The following POU2F2 variants were observed in gnomAD, a reference collection of about 807,000 sequenced individuals.
The protein encoded by POU2F2 is POU class 2 homeobox 2.
In POU2F2, 14 loss-of-function variants were observed where a neutral mutation model predicts 63.5. That is an observed-to-expected ratio of 0.22 (90% CI 0.15 to 0.34). The LOEUF (loss-of-function observed/expected upper bound fraction) is 0.34, where lower values mean the gene tolerates loss of function less well. POU2F2 is among the 10% of genes least tolerant of loss of function. POU2F2 has a pLI of 1.00. For missense variants in POU2F2, 607 were observed against 815.2 expected, an observed-to-expected ratio of 0.74 and a Z score of 3.11; for synonymous variants, 306 against 348.6, an observed-to-expected ratio of 0.88 and a Z score of 1.36.
chr19:42,096,256 G>A lies in POU2F2; in HGVS notation c.568-13C>T, dbSNP rs774224325. On this transcript the variant is annotated splice_polypyrimidine_tract_variant and intron_variant, in intron 7 of 14. Coordinates refer to ENST00000692977, the MANE Select transcript of POU2F2 (RefSeq NM_001394376.1). This position sits in a 1 kb window ranked among gnomAD's most constrained non-coding sequence, Gnocchi z 4.1. ...GGCGGGTCACGGCCTGGTGGGGTGG[G>A]CAGGTGGGTGGGATGCAGGGCGGAG... The A allele has an allele frequency of 7.8e-6, 11 of 1,416,038 alleles. No individual in the cohort carries two copies. The highest frequency in any genetic ancestry group is 9.7e-6 in the Non-Finnish European group (10 of 1,029,512). 87.7% of individuals were successfully genotyped at this position (1,416,038 alleles called of 1,614,324 possible). A position where few individuals can be genotyped will look rare whatever the true frequency, so the allele number is the denominator to read the frequency against.
intron 2 of POU2F2, among the ~76,000 whole-genome samples, chr19:42,143,443 C>G (rs1289982773): frequency 6.6e-6 from 1 of 152,228 alleles, no homozygotes; most frequent in East Asian, 1.9e-4. Context: ...ATTGCAATAT[C>G]ATCTGTTTCC....
chr19:42,109,365 T>C (rs1216658888), intron 5 of POU2F2, among the ~76,000 whole-genome samples: 1 of 152,204 alleles, frequency 6.6e-6, no homozygotes, highest in Non-Finnish European at 1.5e-5. Context: ...ATCCCTGATA[T>C]GGCAAATTGT....
At chr19:42,139,818 T>C (rs2034092205) in intron 2 of POU2F2, among the ~76,000 whole-genome samples, 1 of 152,062 alleles carries the variant, frequency 6.6e-6, no homozygotes, top group Admixed American at 6.5e-5. Context: ...CATTGACAAA[T>C]AGGGAGGTAA....
intron 2 of POU2F2, among the ~76,000 whole-genome samples, chr19:42,149,952 G>A (rs1258337967): frequency 6.6e-6 from 1 of 152,186 alleles, no homozygotes; most frequent in African/African-American, 2.4e-5. Context: ...AGTTCAGTGT[G>A]GAAGGGGCAG....
At chr19:42,126,536 A>C (rs1011095368) in intron 1 of POU2F2, among the ~76,000 whole-genome samples, 1 of 152,150 alleles carries the variant, frequency 6.6e-6, no homozygotes, top group African/African-American at 2.4e-5. Context: ...CCAGTGGACC[A>C]CAAGCCAAGG....
At chr19:42,197,259 T>C (rs2035160976), upstream of POU2F2, among the ~76,000 whole-genome samples, 1 of 152,178 alleles carries the variant, frequency 6.6e-6, no homozygotes, top group Admixed American at 6.5e-5. Flanking sequence ...CTGCCCTCTC[T>C]CAGTCCATTT....
chr19:42,197,782 C>T (rs1200142178), upstream of POU2F2, among the ~76,000 whole-genome samples: 1 of 152,150 alleles, frequency 6.6e-6, no homozygotes, highest in Non-Finnish European at 1.5e-5. Flanking sequence ...GAGACAAATT[C>T]CAGGCAGAGA....
At position 42,164,049 on chromosome 19, in the gene POU2F2, C is replaced by A. The variant is rs148530677; in HGVS notation, c.-69-3657G>T. Among the ~76,000 whole-genome samples, 3 of 152,232 alleles carry A rather than the reference C, an allele frequency of 2.0e-5. No individual in the cohort carries two copies. In the East Asian group the frequency reaches 5.8e-4, roughly 29 times the overall value. Reference sequence around the variant, plus strand: ...AATACACATCCAGATGGTTCCCCCACCAAAAATAAATAAATTTGGAACAGA... The same window carrying A: ...AATACACATCCAGATGGTTCCCCCAACAAAAATAAATAAATTTGGAACAGA... On this transcript the variant is annotated intron_variant, in intron 1 of 6. Coordinates refer to the POU2F2 transcript ENST00000524801.
At chr19:42,172,288 G>C (rs2034785381) in intron 1 of POU2F2, among the ~76,000 whole-genome samples, 1 of 152,190 alleles carries the variant, frequency 6.6e-6, no homozygotes, top group Non-Finnish European at 1.5e-5. Context: ...GTCTAAGGCT[G>C]GGATTGGTTC....
intron 5 of POU2F2, among the ~76,000 whole-genome samples, chr19:42,110,322 G>A (rs181721873): frequency 4.5e-4 from 68 of 152,274 alleles, no homozygotes; most frequent in Non-Finnish European, 8.8e-5. Flanking sequence ...AAATTAAAAT[G>A]AGGTCAGGCT....
At chr19:42,093,747 C>A (rs1232850841) in intron 12 of POU2F2, 82 bp downstream of exon 12, 1 of 1,445,652 alleles carries the variant, frequency 6.9e-7, no homozygotes, top group South Asian at 1.3e-5. Flanking sequence ...CCCATGGACA[C>A]CCAGAGCCAC....
intron 1 of POU2F2, among the ~76,000 whole-genome samples, chr19:42,194,758 CAAAAAAAAAAAAAAAAAA>C (rs71167389): frequency 4.6e-5 from 1 of 21,740 alleles, no homozygotes; most frequent in African/African-American, 2.2e-4. Context: ...GACTCTGTCT[CAAAAAAAAAAAAAAAAAA>C]AAAAAAAAAA....
intron 5 of POU2F2, among the ~76,000 whole-genome samples, chr19:42,107,610 T>C (rs1168002958): frequency 6.6e-6 from 1 of 152,236 alleles, no homozygotes; most frequent in East Asian, 1.9e-4. Context: ...ATACTACTGT[T>C]GTCTGTTGTC....
chr19:42,173,437 C>A (rs1013782094), intron 1 of POU2F2, among the ~76,000 whole-genome samples: 4 of 152,146 alleles, frequency 2.6e-5, no homozygotes, highest in Admixed American at 1.3e-4. Context: ...AAGGTTGGGG[C>A]CCTTGCTTTG....
chr19:42,120,214 TCTC>T (rs1015888662), intron 4 of POU2F2, among the ~76,000 whole-genome samples: 4 of 149,746 alleles, frequency 2.7e-5, no homozygotes, highest in African/African-American at 9.9e-5. Flanking sequence ...TCTGGCCTAA[TCTC>T]CTTTTTTTTT....
chr19:42,104,432 C>G (rs1362048475), intron 5 of POU2F2, among the ~76,000 whole-genome samples: 2 of 151,920 alleles, frequency 1.3e-5, no homozygotes, highest in African/African-American at 4.8e-5. Flanking sequence ...CAGCAAGTGG[C>G]ATTCTGGCAA....
At chr19:42,110,790 G>T (rs76426135) in intron 5 of POU2F2, 120 of 454,926 alleles carry the variant, frequency 2.6e-4, no homozygotes, top group African/African-American at 2.3e-3. Flanking sequence ...AATATGTGTA[G>T]AATGTTTAGC....
At chr19:42,180,428 A>G (rs1042711180), upstream of POU2F2, among the ~76,000 whole-genome samples, 5 of 152,222 alleles carry the variant, frequency 3.3e-5, no homozygotes, top group Non-Finnish European at 1.5e-5. Flanking sequence ...TTCTGGAAGG[A>G]GCAACAAGGA....
upstream of POU2F2, chr19:42,136,946 C>G (rs536224331): frequency 6.6e-6 from 1 of 152,256 alleles, no homozygotes; most frequent in Non-Finnish European, 1.5e-5. Context: ...CCCTCAGTGC[C>G]AAGCCCTGTG....
Sources: allele counts gnomAD v4.1 joint callset (sites outside exome capture counted in the v4.1 genomes callset), GRCh38; gene constraint gnomAD v4.1.1; non-coding constraint Gnocchi (gnomAD v3.1); transcripts MANE v1.5; gene names NCBI Gene and HGNC (gene_info 2026-07-23, HGNC 2026-07-21).